ADCYAP1R1: variants seen among roughly 807,000 people sequenced by gnomAD.
ADCYAP1R1 encodes the protein pituitary adenylate cyclase-activating polypeptide type I receptor.
Under a neutral mutation model 67.6 loss-of-function variants are expected in ADCYAP1R1, and 44 were observed. The ratio of observed to expected loss-of-function variants is 0.65; its 90% confidence interval spans 0.51 to 0.84. The LOEUF is 0.84. ADCYAP1R1 is among the 40% of genes least tolerant of loss of function. ADCYAP1R1 has a pLI of 0.00. For missense variants in ADCYAP1R1, 477 were observed against 587.9 expected (o/e 0.81, Z 1.95); for synonymous variants, 222 against 219.6 (o/e 1.01, Z -0.10).
intron 13 of ADCYAP1R1, 46 bp downstream of exon 13, chr7:31,092,781 CG>C (rs1174512218): frequency 2.0e-6 from 3 of 1,465,730 alleles, no homozygotes; most frequent in African/African-American, 2.8e-5. Flanking sequence ...GACAGCCGAG[CG>C]GGCCCTGCAT....
chr7:31,060,683 T>A (rs1161208123), intron 1 of ADCYAP1R1, among the ~76,000 whole-genome samples: 1 of 152,058 alleles, frequency 6.6e-6, no homozygotes, highest in Non-Finnish European at 1.5e-5. Flanking sequence ...TCTGTGTATT[T>A]GTGTGTGTTT....
At chr7:31,066,956 C>T (rs1224189485) in intron 3 of ADCYAP1R1, among the ~76,000 whole-genome samples, 1 of 152,186 alleles carries the variant, frequency 6.6e-6, no homozygotes, top group Admixed American at 6.5e-5. Flanking sequence ...GGGGGCATGG[C>T]TGAGGGCCCA....
chr7:31,059,910 G>A (rs117974787), intron 1 of ADCYAP1R1, among the ~76,000 whole-genome samples: 5,853 of 151,706 alleles, frequency 0.039, 163 homozygotes, highest in Middle Eastern at 0.1. Context: ...GCTGGCGGGG[G>A]CGTCTGTGTC....
At chr7:31,065,497 G>A (rs78661481) in intron 3 of ADCYAP1R1, among the ~76,000 whole-genome samples, 3,380 of 152,256 alleles carry the variant, frequency 0.022, 135 homozygotes, top group African/African-American at 0.077. Flanking sequence ...GACATTGAGC[G>A]TTCTTAGCCT....
intron 3 of ADCYAP1R1, among the ~76,000 whole-genome samples, chr7:31,070,687 A>G (rs1794933610): frequency 6.6e-6 from 1 of 152,202 alleles, no homozygotes; most frequent in Non-Finnish European, 1.5e-5. Flanking sequence ...TCGCTGTCTG[A>G]CACAGGGTGT....
chr7:31,105,695 A>G (rs1033325501), intron 15 of ADCYAP1R1, among the ~76,000 whole-genome samples: 3 of 152,174 alleles, frequency 2.0e-5, no homozygotes, highest in South Asian at 2.1e-4. Context: ...CAGACAACCT[A>G]CAGAAGGATC....
At chr7:31,097,455 T>C (rs981280085) in intron 13 of ADCYAP1R1, among the ~76,000 whole-genome samples, 6 of 152,208 alleles carry the variant, frequency 3.9e-5, no homozygotes, top group African/African-American at 1.4e-4. Context: ...TGAGTCCTTT[T>C]GTGCAGAGCC....
rs147953627 is a variant in ADCYAP1R1, at chr7:31,065,069, G to T, written c.157+133G>T. 33 of 646,108 alleles carry T rather than the reference G, an allele frequency of 5.1e-5. No homozygotes were observed. In the East Asian group the frequency reaches 8.5e-4, roughly 17 times the overall value. 40.0% of individuals were successfully genotyped at this position (646,108 alleles called of 1,614,324 possible). ...ACTTCAGAAGGCCCTCGAGAATACT[G>T]ATGTCCTGGATCTGCTCTGGGCAAT... is the stretch of plus-strand genomic sequence containing the variant. On this transcript the variant is annotated intron_variant, in intron 3 of 15. Transcript: ENST00000304166.
At chr7:31,100,881 C>T (rs796710229) in intron 13 of ADCYAP1R1, among the ~76,000 whole-genome samples, 5 of 152,368 alleles carry the variant, frequency 3.3e-5, no homozygotes, top group South Asian at 4.1e-4. Flanking sequence ...CATTGCTCCC[C>T]TGGGCAGCCC....
chr7:31,106,250 A>T (rs758998), intron 15 of ADCYAP1R1, among the ~76,000 whole-genome samples: 1 of 152,366 alleles, frequency 6.6e-6, no homozygotes, highest in East Asian at 1.9e-4. Context: ...ACAGGGAGCC[A>T]TTAGAGGGCC....
At chr7:31,098,490 A>C (rs1381881599) in intron 13 of ADCYAP1R1, among the ~76,000 whole-genome samples, 1 of 152,130 alleles carries the variant, frequency 6.6e-6, no homozygotes, top group African/African-American at 2.4e-5. Flanking sequence ...CCGAGGTGGC[A>C]CCTGGGATTC....
Position 31,086,964 on chromosome 7 carries a change from C to T in ADCYAP1R1, c.845C>T (p.Thr282Ile), listed in dbSNP as rs956687918. Residue 282 changes from threonine (T) to isoleucine (I), a missense_variant, in exon 11 of 16, where the codon ACA (threonine) becomes ATA (isoleucine). By Grantham distance (89) the Thr-to-Ile change is moderately conservative. Coordinates refer to ENST00000304166, the MANE Select transcript of ADCYAP1R1 (RefSeq NM_001118.5). This position sits in a 1 kb window ranked among gnomAD's most constrained non-coding sequence, Gnocchi z 5.0. The part of the protein sequence containing the change: ...IGWGTPTVCV[T>I]VWATLRLYFD... ...CCAGGGACCCCAACTGTGTGTGTGACAGTGTGGGCTACGCTGAGACTCTAC... is the reference window on the plus strand; with the variant it reads ...CCAGGGACCCCAACTGTGTGTGTGATAGTGTGGGCTACGCTGAGACTCTAC... The T allele has an allele frequency of 6.2e-7, 1 of 1,614,182 alleles. No individual in the cohort carries two copies. The highest frequency in any genetic ancestry group is 8.5e-7 in the Non-Finnish European group (1 of 1,180,044).
intron 1 of ADCYAP1R1, among the ~76,000 whole-genome samples, chr7:31,054,694 G>A (rs911872502): frequency 6.6e-6 from 1 of 152,132 alleles, no homozygotes; most frequent in Non-Finnish European, 1.5e-5. Flanking sequence ...TGATTAAGTG[G>A]AGGACATCTT....
intron 3 of ADCYAP1R1, among the ~76,000 whole-genome samples, chr7:31,067,970 G>A (rs915554061): frequency 6.6e-6 from 1 of 152,290 alleles, no homozygotes. Flanking sequence ...TCTCTAGGAA[G>A]CAGGTCAGCG....
At chr7:31,098,575 A>G (rs1796299994) in intron 13 of ADCYAP1R1, among the ~76,000 whole-genome samples, 1 of 152,086 alleles carries the variant, frequency 6.6e-6, no homozygotes, top group Non-Finnish European at 1.5e-5. Flanking sequence ...CAAAGCATCA[A>G]ACCAAACCTC....
chr7:31,103,140 G>A, intron 13 of ADCYAP1R1, 97 bp from the exon 14 acceptor site: 1 of 1,505,178 alleles, frequency 6.6e-7, no homozygotes, highest in Middle Eastern at 2.0e-4. Flanking sequence ...CAGCTTGGAG[G>A]GAGAATAAGG....
chr7:31,064,431 C>T (rs962284432), intron 2 of ADCYAP1R1, among the ~76,000 whole-genome samples: 29 of 152,190 alleles, frequency 1.9e-4, no homozygotes, highest in African/African-American at 6.8e-4. Context: ...CATCTCTGTA[C>T]TTAAGTTTCC....
chr7:31,106,760 C>T lies in ADCYAP1R1; in HGVS notation c.*76C>T, dbSNP rs550714918. 82 of 1,453,502 alleles carry T rather than the reference C, an allele frequency of 5.6e-5. No individual in the cohort carries two copies. Among genetic ancestry groups the T allele is most frequent in the Non-Finnish European group, 6.8e-5 (74 of 1,095,204 alleles). 90.0% of individuals were successfully genotyped at this position (1,453,502 alleles called of 1,614,324 possible). On this transcript the variant is annotated 3_prime_UTR_variant, in exon 16 of 16. Coordinates refer to ENST00000304166, the MANE Select transcript of ADCYAP1R1 (RefSeq NM_001118.5). ...GCAGGTGCCAGCCCACGCATGTTTG[C>T]GCCTCTTCCCTCCCCTTGGGCAGGC...
chr7:31,089,706 G>A (rs6965991), intron 12 of ADCYAP1R1, among the ~76,000 whole-genome samples: 6,300 of 152,178 alleles, frequency 0.041, 433 homozygotes, highest in African/African-American at 0.15. Flanking sequence ...GTACAAGAGC[G>A]CTCATTTCCC....
Sources: allele counts gnomAD v4.1 joint callset (sites outside exome capture counted in the v4.1 genomes callset), GRCh38; gene constraint gnomAD v4.1.1; non-coding constraint Gnocchi (gnomAD v3.1); transcripts MANE v1.5; gene names NCBI Gene and HGNC (gene_info 2026-07-23, HGNC 2026-07-21).